The following DNAH7 variants were observed in gnomAD, a reference collection of about 807,000 sequenced individuals.
DNAH7 encodes the protein axonemal beta dynein heavy chain 7.
DNAH7 carries 397 observed loss-of-function variants against 444.6 expected under a neutral mutation model. That is an observed-to-expected ratio of 0.89 (90% CI 0.82 to 0.97). The LOEUF (loss-of-function observed/expected upper bound fraction) is 0.97, where lower values mean the gene tolerates loss of function less well. DNAH7 is among the 50% of genes least tolerant of loss of function. DNAH7 has a pLI of 0.00. For missense variants in DNAH7, 4,902 were observed against 4,800.8 expected (o/e 1.02, Z -0.62); for synonymous variants, 1,636 against 1,624.4 (o/e 1.01, Z -0.17).
chr2:195,814,312 G>T (rs1245583055), intron 51 of DNAH7, among the ~76,000 whole-genome samples: 2 of 152,140 alleles, frequency 1.3e-5, no homozygotes, highest in African/African-American at 4.8e-5. Flanking sequence ...AATTAAAGAA[G>T]TTCAACTAAA....
At chr2:196,048,445 G>A (rs774784367) in intron 3 of DNAH7, 41 bp from the exon 4 acceptor site, 4 of 1,557,096 alleles carry the variant, frequency 2.6e-6, no homozygotes, top group African/African-American at 2.7e-5. Flanking sequence ...AACAATATCA[G>A]AAAAAAACCT....
At chr2:195,902,415 T>A (rs936985312) in intron 27 of DNAH7, 2 of 152,188 alleles carry the variant, frequency 1.3e-5, no homozygotes, top group Admixed American at 6.6e-5. Flanking sequence ...AGAATTGCTA[T>A]ACAGTTGGTA....
At chr2:196,049,370 A>C (rs1697331319) in intron 3 of DNAH7, among the ~76,000 whole-genome samples, 1 of 152,174 alleles carries the variant, frequency 6.6e-6, no homozygotes, top group South Asian at 2.1e-4. Context: ...TGCTCCATAA[A>C]AGTTTTAAAA....
chr2:195,853,841 A>G (rs973192805), intron 45 of DNAH7, among the ~76,000 whole-genome samples: 2 of 152,208 alleles, frequency 1.3e-5, no homozygotes, highest in Non-Finnish European at 2.9e-5. Flanking sequence ...GCAAATATAG[A>G]TATTTTCCCT....
intron 40 of DNAH7, among the ~76,000 whole-genome samples, chr2:195,868,509 C>T (rs1019427833): frequency 9.3e-5 from 14 of 151,002 alleles, no homozygotes; most frequent in Admixed American, 6.0e-4. Context: ...ATCTTTGGAG[C>T]GATGTCTTTG....
intron 10 of DNAH7, among the ~76,000 whole-genome samples, chr2:196,010,876 C>A (rs186327010): frequency 6.6e-6 from 1 of 152,040 alleles, no homozygotes; most frequent in African/African-American, 2.4e-5. Context: ...TGGAGGACAT[C>A]GTGTTAACTG....
intron 40 of DNAH7, among the ~76,000 whole-genome samples, chr2:195,870,719 G>T (rs1214873340): frequency 6.6e-6 from 1 of 152,118 alleles, no homozygotes; most frequent in Non-Finnish European, 1.5e-5. Flanking sequence ...ACCATTTGAG[G>T]ACATGGTGAG....
intron 12 of DNAH7, among the ~76,000 whole-genome samples, chr2:195,998,088 C>A (rs959026283): frequency 2.0e-5 from 3 of 152,280 alleles, no homozygotes; most frequent in African/African-American, 7.2e-5. Flanking sequence ...AGAACCATTA[C>A]CCATGAATGA....
chr2:195,775,995 A>G lies in DNAH7; in HGVS notation c.11065-12T>C. 1 of 1,612,016 alleles carries G rather than the reference A, an allele frequency of 6.2e-7. No homozygotes were observed. The highest frequency in any genetic ancestry group is 8.5e-7 in the Non-Finnish European group (1 of 1,179,450). ...ATGTAGCTTTTGTGCTGCAGAGATG[A>G]ATAACAAGAAGTCAGGAGGTTAGAA... On this transcript the variant is annotated splice_polypyrimidine_tract_variant and intron_variant, in intron 59 of 64. Transcript: ENST00000312428.
intron 63 of DNAH7, among the ~76,000 whole-genome samples, chr2:195,752,288 A>AAT (rs1693839930): frequency 7.4e-6 from 1 of 134,726 alleles, no homozygotes; most frequent in Non-Finnish European, 1.6e-5. Flanking sequence ...AAAAAAAAAA[A>AAT]TTGTGGTGGC....
At chr2:196,028,820 C>T (rs191592043) in intron 5 of DNAH7, among the ~76,000 whole-genome samples, 2 of 152,272 alleles carry the variant, frequency 1.3e-5, no homozygotes, top group Non-Finnish European at 2.9e-5. Flanking sequence ...CCACTAACTG[C>T]CCAGTGAGGG....
At chr2:195,989,604 G>C (rs1357773031) in intron 12 of DNAH7, among the ~76,000 whole-genome samples, 1 of 152,154 alleles carries the variant, frequency 6.6e-6, no homozygotes, top group Non-Finnish European at 1.5e-5. Flanking sequence ...GATATAGTTT[G>C]AATATATGTC....
At chr2:195,917,860 A>G (rs1687783849) in intron 24 of DNAH7, among the ~76,000 whole-genome samples, 1 of 151,980 alleles carries the variant, frequency 6.6e-6, no homozygotes, top group Non-Finnish European at 1.5e-5. Flanking sequence ...TAGAGATGGG[A>G]GTTTTGCTAT....
At chr2:195,872,571 A>T in intron 39 of DNAH7, 102 bp from the exon 40 acceptor site, 1 of 609,332 alleles carries the variant, frequency 1.6e-6, no homozygotes, top group Non-Finnish European at 2.7e-6. Flanking sequence ...TTTAATTTTG[A>T]TTAAATCAAT....
chr2:196,061,336 T>G (rs541582987), intron 1 of DNAH7, among the ~76,000 whole-genome samples: 1 of 152,112 alleles, frequency 6.6e-6, no homozygotes, highest in Non-Finnish European at 1.5e-5. Context: ...ATCTCCCCCG[T>G]ATTAACCTTT....
intron 55 of DNAH7, 52 bp from the exon 56 acceptor site, chr2:195,796,789 T>C (rs1696162831): frequency 1.3e-6 from 2 of 1,545,454 alleles, no homozygotes; most frequent in Non-Finnish European, 1.8e-6. Context: ...TTAAGAAACA[T>C]CAATATTGTT....
At chr2:195,803,675 T>C (rs778762732) in intron 54 of DNAH7, among the ~76,000 whole-genome samples, 5 of 152,232 alleles carry the variant, frequency 3.3e-5, no homozygotes, top group Admixed American at 6.5e-5. Flanking sequence ...CTTCTATGTA[T>C]GTTTTGCTAT....
chr2:195,833,816 C>T (rs1698192149), intron 48 of DNAH7, among the ~76,000 whole-genome samples: 1 of 151,994 alleles, frequency 6.6e-6, no homozygotes, highest in South Asian at 2.1e-4. Flanking sequence ...AGTGTAGTGG[C>T]ACTCTCTCGG....
chr2:195,853,506 AG>A lies in DNAH7; in HGVS notation c.8617del (p.Leu2873Ter), dbSNP rs761380650. On this transcript the variant is annotated frameshift_variant, in exon 46 of 65. Coordinates refer to ENST00000312428, the MANE Select transcript of DNAH7 (RefSeq NM_018897.3). LOFTEE classifies it high-confidence loss of function. ...ENQVDLCSKK[L>X]ERAEQLIGGL... ...TCCAATCAACTGTTCAGCTCGTTCT[AG>A]TTTTTTGCTGCAAAGGTCAACCTCG... is the stretch of plus-strand genomic sequence containing the variant. 6.2e-7 allele frequency: 1 copy of A among 1,609,526 alleles called. No individual in the cohort carries two copies.
Sources: allele counts gnomAD v4.1 joint callset (sites outside exome capture counted in the v4.1 genomes callset), GRCh38; gene constraint gnomAD v4.1.1; transcripts MANE v1.5; gene names NCBI Gene and HGNC (gene_info 2026-07-23, HGNC 2026-07-21).